Variants in TMEM163 observed in about 807,000 individuals in gnomAD.
TMEM163 encodes the protein transmembrane protein 163.
TMEM163 carries 17 observed loss-of-function variants against 29.3 expected under a neutral mutation model. The observed-to-expected ratio is 0.58, with a 90% confidence interval of 0.40 to 0.87. TMEM163 has a LOEUF of 0.87. Among genes scored for constraint, TMEM163 ranks in the 40% least tolerant of loss-of-function variants. The probability of loss-of-function intolerance (pLI) is 0.00; values close to 1 mark genes in which losing one functional copy is unlikely to be tolerated. For synonymous variants in TMEM163, 157 were observed against 160.6 expected (o/e 0.98, Z 0.17); for missense variants, 303 against 381.5 (o/e 0.79, Z 1.71).
chr2:134,674,784 C>T (rs182473497), intron 2 of TMEM163, among the ~76,000 whole-genome samples: 5 of 152,260 alleles, frequency 3.3e-5, no homozygotes, highest in East Asian at 3.9e-4. Context: ...CACAATCTTG[C>T]GCAAAGGCCC....
chr2:134,636,478 G>A (rs1029534549), intron 2 of TMEM163, among the ~76,000 whole-genome samples: 26 of 152,220 alleles, frequency 1.7e-4, no homozygotes, highest in African/African-American at 6.0e-4. Context: ...GACAGTGAAA[G>A]AGACTTGACC....
chr2:134,488,979 A>G (rs1679371977), intron 5 of TMEM163, among the ~76,000 whole-genome samples: 1 of 152,198 alleles, frequency 6.6e-6, no homozygotes. Flanking sequence ...AAAGTGTGGT[A>G]ACATTCTGAG....
At chr2:134,670,888 A>G (rs1683981207) in intron 2 of TMEM163, among the ~76,000 whole-genome samples, 1 of 152,240 alleles carries the variant, frequency 6.6e-6, no homozygotes, top group Non-Finnish European at 1.5e-5. Context: ...TTGCATAAAC[A>G]AAATGTCAGC....
chr2:134,662,373 G>C (rs1683774275), intron 2 of TMEM163, among the ~76,000 whole-genome samples: 1 of 152,180 alleles, frequency 6.6e-6, no homozygotes, highest in African/African-American at 2.4e-5. Context: ...TGTAAGGAAA[G>C]AGACAATATA....
chr2:134,713,534 G>A (rs779289681), intron 1 of TMEM163: 36 of 703,804 alleles, frequency 5.1e-5, no homozygotes, highest in Non-Finnish European at 7.8e-5. Flanking sequence ...AATATGGGCC[G>A]TGTATTTCTG....
At chr2:134,680,646 G>T (rs994100807) in intron 2 of TMEM163, among the ~76,000 whole-genome samples, 1 of 152,198 alleles carries the variant, frequency 6.6e-6, no homozygotes, top group Admixed American at 6.5e-5. Flanking sequence ...CAGCTACTTT[G>T]TATGTTGGGC....
At chr2:134,474,788 G>A (rs1401293553) in intron 5 of TMEM163, among the ~76,000 whole-genome samples, 1 of 152,124 alleles carries the variant, frequency 6.6e-6, no homozygotes, top group East Asian at 1.9e-4. Flanking sequence ...AATACTCAGT[G>A]ATAAATTTTA....
chr2:134,519,165 G>T (rs1160861602), intron 4 of TMEM163, among the ~76,000 whole-genome samples: 1 of 152,208 alleles, frequency 6.6e-6, no homozygotes, highest in Admixed American at 6.5e-5. Flanking sequence ...GATACTCACA[G>T]ACTTAAAGGC....
chr2:134,635,524 A>G (rs780133901), intron 2 of TMEM163, among the ~76,000 whole-genome samples: 3 of 152,208 alleles, frequency 2.0e-5, no homozygotes, highest in Admixed American at 1.3e-4. Context: ...TAGAGGGACC[A>G]GAACAAGCAT....
intron 2 of TMEM163, among the ~76,000 whole-genome samples, chr2:134,566,305 G>A (rs552286632): frequency 2.6e-5 from 4 of 152,164 alleles, no homozygotes; most frequent in South Asian, 2.1e-4. Context: ...TTTTGCTCAC[G>A]CCTGTAATCT....
intron 2 of TMEM163, among the ~76,000 whole-genome samples, chr2:134,600,278 A>C (rs1170045176): frequency 1.3e-5 from 2 of 152,184 alleles, no homozygotes; most frequent in South Asian, 2.1e-4. Context: ...CATGTGACTT[A>C]ATTGTTTAGT....
intron 2 of TMEM163, among the ~76,000 whole-genome samples, chr2:134,681,768 T>A (rs911872485): frequency 2.6e-5 from 4 of 152,090 alleles, no homozygotes; most frequent in African/African-American, 9.7e-5. Context: ...AATGGACAAA[T>A]AAACAGGTCA....
chr2:134,717,072 C>T (rs936837625), intron 1 of TMEM163, among the ~76,000 whole-genome samples: 1 of 152,146 alleles, frequency 6.6e-6, no homozygotes, highest in Non-Finnish European at 1.5e-5. Context: ...TTCAGAAGGG[C>T]TTTTTACACT....
chr2:134,691,252 C>T (rs1684456595), intron 2 of TMEM163, among the ~76,000 whole-genome samples: 1 of 152,166 alleles, frequency 6.6e-6, no homozygotes, highest in African/African-American at 2.4e-5. Context: ...CTGCTGCTGG[C>T]CTTCTGCAGA....
At position 134,700,857 on chromosome 2, in the gene TMEM163, T is replaced by C. The variant is rs1480352428; in HGVS notation, c.322+12343A>G. Among the ~76,000 whole-genome samples the C allele has an allele frequency of 2.6e-5, 4 of 151,286 alleles. No individual in the cohort carries two copies. In the East Asian group the frequency reaches 7.8e-4, roughly 29 times the overall value. On this transcript the variant is annotated intron_variant, in intron 2 of 7. Coordinates refer to ENST00000281924, the MANE Select transcript of TMEM163 (RefSeq NM_030923.5). Reference sequence around the variant, plus strand: ...GAGGTTGCAGTGAGCTGAGAGACCGTGACACTGCACTCCAGCCTGGGTGAC... The same window carrying C: ...GAGGTTGCAGTGAGCTGAGAGACCGCGACACTGCACTCCAGCCTGGGTGAC...
At chr2:134,522,336 C>T (rs1680206943) in intron 4 of TMEM163, among the ~76,000 whole-genome samples, 1 of 152,240 alleles carries the variant, frequency 6.6e-6, no homozygotes, top group East Asian at 1.9e-4. Flanking sequence ...AACACACTGG[C>T]TGAATTCATC....
chr2:134,472,057 G>C (rs142083326), intron 5 of TMEM163, among the ~76,000 whole-genome samples: 3 of 152,214 alleles, frequency 2.0e-5, no homozygotes, highest in African/African-American at 7.2e-5. Context: ...ATGACAAAAA[G>C]GTTTAAGGAA....
chr2:134,555,037 C>T lies in TMEM163; in HGVS notation c.323-2946G>A, dbSNP rs16830790. Among the ~76,000 whole-genome samples the T allele has an allele frequency of 0.033, 4,986 of 152,292 alleles. 381 individuals carry two copies. The East Asian group carries it at 0.34, about 10-fold the overall frequency. ...TGAAGGGCCCTCCACACAGCCTTAG[C>T]TCTGACAGCTTCCTTTTGTGGCCAA... On this transcript the variant is annotated intron_variant, in intron 2 of 7. Transcript: ENST00000281924.
At chr2:134,496,212 C>T (rs1382446280) in intron 5 of TMEM163, among the ~76,000 whole-genome samples, 1 of 152,120 alleles carries the variant, frequency 6.6e-6, no homozygotes, top group Non-Finnish European at 1.5e-5. Context: ...CAGGTGCCCA[C>T]CACCACGCCC....
Sources: allele counts gnomAD v4.1 joint callset (sites outside exome capture counted in the v4.1 genomes callset), GRCh38; gene constraint gnomAD v4.1.1; transcripts MANE v1.5; gene names NCBI Gene and HGNC (gene_info 2026-07-23, HGNC 2026-07-21).